ERBB4: variants seen among roughly 807,000 people sequenced by gnomAD.
ERBB4 encodes the protein receptor tyrosine-protein kinase erbB-4.
ERBB4 carries 42 observed loss-of-function variants against 158.0 expected under a neutral mutation model. The ratio of observed to expected loss-of-function variants is 0.27; its 90% CI spans 0.21 to 0.34. The LOEUF is 0.34. Among genes scored for constraint, ERBB4 ranks in the 10% least tolerant of loss-of-function variants. The pLI, the probability that ERBB4 is intolerant of heterozygous loss-of-function variation, is 1.00. For synonymous variants in ERBB4, 583 were observed against 558.7 expected (o/e 1.04, Z -0.61); for missense variants, 1,333 against 1,624.1 (o/e 0.82, Z 3.08).
At chr2:211,497,986 G>C (rs2065515420) in intron 20 of ERBB4, among the ~76,000 whole-genome samples, 2 of 152,120 alleles carry the variant, frequency 1.3e-5, no homozygotes, top group Admixed American at 1.3e-4. Context: ...AATGTGCAAG[G>C]TTCTGCCAAT....
chr2:211,721,462 A>AAAAAAAAAAAAAAAAAAC (rs2074089984), intron 7 of ERBB4, among the ~76,000 whole-genome samples: 1 of 149,184 alleles, frequency 6.7e-6, no homozygotes, highest in Admixed American at 6.7e-5. Context: ...AAAAAAAAAA[A>AAAAAAAAAAAAAAAAAAC]AAATAGAGTC....
intron 5 of ERBB4, among the ~76,000 whole-genome samples, chr2:211,726,216 A>T (rs553887476): frequency 6.6e-6 from 1 of 152,238 alleles, no homozygotes; most frequent in African/African-American, 2.4e-5. Flanking sequence ...CTGCCTCATA[A>T]ACATTAGCAT....
chr2:211,485,022 A>T (rs1163695445), intron 20 of ERBB4, among the ~76,000 whole-genome samples: 1 of 152,146 alleles, frequency 6.6e-6, no homozygotes, highest in Non-Finnish European at 1.5e-5. Context: ...TAAAAGGTAA[A>T]ATTCAAGGGT....
intron 2 of ERBB4, among the ~76,000 whole-genome samples, chr2:212,064,011 A>T (rs2077863826): frequency 6.6e-6 from 1 of 152,138 alleles, no homozygotes; most frequent in Non-Finnish European, 1.5e-5. Flanking sequence ...TGTAGCCATA[A>T]TAGAGATATG....
chr2:211,934,790 G>T (rs1323960604), intron 3 of ERBB4, among the ~76,000 whole-genome samples: 1 of 151,738 alleles, frequency 6.6e-6, no homozygotes, highest in Non-Finnish European at 1.5e-5. Context: ...TGTGTCTGTA[G>T]AAATAAGCTT....
intron 2 of ERBB4, among the ~76,000 whole-genome samples, chr2:212,087,471 C>T (rs1179803947): frequency 2.0e-5 from 3 of 152,018 alleles, no homozygotes; most frequent in Non-Finnish European, 4.4e-5. Context: ...ACCACATCAT[C>T]ATGGTTCCTG....
intron 1 of ERBB4, among the ~76,000 whole-genome samples, chr2:212,196,506 G>C (rs1438082698): frequency 1.3e-5 from 2 of 151,874 alleles, no homozygotes; most frequent in African/African-American, 4.8e-5. Context: ...TGTCTAAGTG[G>C]GTCCATGTAG....
intron 3 of ERBB4, among the ~76,000 whole-genome samples, chr2:211,849,769 T>C (rs1248934161): frequency 6.6e-6 from 1 of 152,018 alleles, no homozygotes; most frequent in Non-Finnish European, 1.5e-5. Context: ...TTTATTAAGA[T>C]CATCTTTCTA....
chr2:211,616,055 C>T (rs906525244), intron 19 of ERBB4, among the ~76,000 whole-genome samples: 5 of 152,062 alleles, frequency 3.3e-5, no homozygotes, highest in Admixed American at 2.6e-4. Flanking sequence ...AACACTCTAC[C>T]ATAGTGTTAT....
intron 20 of ERBB4, among the ~76,000 whole-genome samples, chr2:211,540,735 AT>A (rs11420459): frequency 5.3e-5 from 8 of 150,578 alleles, no homozygotes; most frequent in African/African-American, 1.9e-4. Context: ...CTAGAGAAAT[AT>A]TTTTTTTTCC....
chr2:211,720,991 TG>T (rs2074072580), intron 7 of ERBB4, among the ~76,000 whole-genome samples: 1 of 152,180 alleles, frequency 6.6e-6, no homozygotes, highest in South Asian at 2.1e-4. Flanking sequence ...AACCTGCCAT[TG>T]GTGTGTCTGG....
chr2:212,502,593 T>C (rs1690955037), intron 1 of ERBB4, among the ~76,000 whole-genome samples: 1 of 152,198 alleles, frequency 6.6e-6, no homozygotes, highest in Non-Finnish European at 1.5e-5. Flanking sequence ...TAGCAGAGAC[T>C]GCTGGCTGTT....
At chr2:211,384,121 G>C (rs1195431062) in intron 27 of ERBB4, 61 bp from the exon 28 acceptor site, 1 of 1,227,552 alleles carries the variant, frequency 8.1e-7, no homozygotes, top group Non-Finnish European at 1.2e-6. Context: ...ATCAGACCAA[G>C]GTTATACATA....
chr2:212,125,029 T>C, intron 1 of ERBB4, 126 bp from the exon 2 acceptor site: 1 of 1,193,138 alleles, frequency 8.4e-7, no homozygotes, highest in South Asian at 1.3e-5. Context: ...AATATTTCGA[T>C]CGTCATTAAG....
At chr2:211,469,904 T>G (rs1451866109) in intron 20 of ERBB4, among the ~76,000 whole-genome samples, 1 of 152,018 alleles carries the variant, frequency 6.6e-6, no homozygotes, top group African/African-American at 2.4e-5. Flanking sequence ...TGTGTTTAAG[T>G]GGGCTTGGGG....
intron 19 of ERBB4, among the ~76,000 whole-genome samples, chr2:211,605,778 T>C (rs1012756093): frequency 2.6e-5 from 4 of 152,086 alleles, no homozygotes; most frequent in Admixed American, 6.5e-5. Flanking sequence ...ACAGAATAGA[T>C]AACAAGAATC....
intron 20 of ERBB4, among the ~76,000 whole-genome samples, chr2:211,543,885 C>T (rs1016848608): frequency 2.0e-5 from 3 of 151,702 alleles, no homozygotes; most frequent in African/African-American, 4.8e-5. Flanking sequence ...TTTCTACTAC[C>T]TCTATCTCAA....
At chr2:211,679,934 C>T (rs1314002501) in intron 12 of ERBB4, among the ~76,000 whole-genome samples, 1 of 152,180 alleles carries the variant, frequency 6.6e-6, no homozygotes, top group Non-Finnish European at 1.5e-5. Context: ...CTCACCTCAG[C>T]CTCCCAAAGT....
chr2:211,377,626 ACTC>A lies in ERBB4; in HGVS notation c.*5986_*5988del. ...TAGCCTTTACCTTTATGATAATAAGACTCCTCATTTGGGAGAAAAAAATTTACA... is the reference window on the plus strand; with the variant it reads ...TAGCCTTTACCTTTATGATAATAAGACTCATTTGGGAGAAAAAAATTTACA... On this transcript the variant is annotated 3_prime_UTR_variant, in exon 28 of 28. Coordinates refer to ENST00000342788, the MANE Select transcript of ERBB4 (RefSeq NM_005235.3). 2 of 232,456 alleles carry A rather than the reference ACTC, an allele frequency of 8.6e-6. No individual in the cohort carries two copies. The allele number at this position is 232,456 out of a possible 1,614,324, so 14.4% of individuals were successfully genotyped here.
Sources: allele counts gnomAD v4.1 joint callset (sites outside exome capture counted in the v4.1 genomes callset), GRCh38; gene constraint gnomAD v4.1.1; transcripts MANE v1.5; gene names NCBI Gene and HGNC (gene_info 2026-07-23, HGNC 2026-07-21).